The following CTIF variants were observed in gnomAD, a reference collection of about 807,000 sequenced individuals.
The protein encoded by CTIF is cap binding complex dependent translation initiation factor.
A neutral mutation model predicts 66.0 loss-of-function variants in CTIF; 21 were observed. That is an observed-to-expected ratio of 0.32 (90% confidence interval 0.23 to 0.46). The LOEUF is 0.46. CTIF is among the 20% of genes least tolerant of loss of function. The probability of loss-of-function intolerance (pLI) is 1.00; values close to 1 mark genes in which losing one functional copy is unlikely to be tolerated. For synonymous variants in CTIF, 345 were observed against 326.4 expected, an observed-to-expected ratio of 1.06 and a Z score of -0.62; for missense variants, 739 against 812.7, an observed-to-expected ratio of 0.91 and a Z score of 1.10.
chr18:48,603,591 A>G (rs1279927461), intron 1 of CTIF, among the ~76,000 whole-genome samples: 3 of 135,594 alleles, frequency 2.2e-5, no homozygotes, highest in Non-Finnish European at 4.7e-5. Context: ...GGCTGGGTGG[A>G]TAGATGGATG....
At chr18:48,752,496 T>A (rs1401351152) in intron 7 of CTIF, among the ~76,000 whole-genome samples, 1 of 150,944 alleles carries the variant, frequency 6.6e-6, no homozygotes, top group African/African-American at 2.4e-5. Flanking sequence ...AACACAAATC[T>A]GAGTTCCAGT....
At chr18:48,550,695 A>C (rs2088861485) in intron 1 of CTIF, among the ~76,000 whole-genome samples, 2 of 151,934 alleles carry the variant, frequency 1.3e-5, no homozygotes, top group African/African-American at 4.8e-5. Flanking sequence ...CCTCCTCATC[A>C]TTCCTTGGAT....
chr18:48,690,233 C>T (rs371967532), intron 6 of CTIF, among the ~76,000 whole-genome samples: 2 of 152,148 alleles, frequency 1.3e-5, no homozygotes, highest in African/African-American at 2.4e-5. Flanking sequence ...TACAGACTCT[C>T]CTTCCATCCA....
chr18:48,744,006 C>T (rs926326966), intron 7 of CTIF, among the ~76,000 whole-genome samples: 3 of 152,138 alleles, frequency 2.0e-5, no homozygotes, highest in Non-Finnish European at 2.9e-5. Flanking sequence ...AGAGGAGGGG[C>T]GTACTTTGAG....
chr18:48,717,880 C>T (rs1418331443), intron 7 of CTIF, among the ~76,000 whole-genome samples: 3 of 152,120 alleles, frequency 2.0e-5, no homozygotes, highest in African/African-American at 4.8e-5. Flanking sequence ...TAGGCACCCG[C>T]CACCACACCT....
Position 48,758,001 on chromosome 18 carries a change from C to T in CTIF, c.667C>T (p.His223Tyr), listed in dbSNP as rs778949862. ...AGGCAGTGCCAAACACAACAGGGAC[C>T]ACCAGAAATCCTACCAGGGGGGCTC... is the stretch of plus-strand genomic sequence containing the variant. ...QPGSAKHNRDHQKSYQGGSAP... is the reference protein window; with the variant it reads ...QPGSAKHNRDYQKSYQGGSAP... Residue 223 changes from histidine (H) to tyrosine (Y), a missense_variant, in exon 8 of 12, where the codon CAC becomes TAC. Transcript: ENST00000256413. 4.3e-6 allele frequency: 7 copies of T among 1,613,930 alleles called. No individual in the cohort carries two copies. The highest frequency in any genetic ancestry group is 5.1e-6 in the Non-Finnish European group (6 of 1,180,012).
At chr18:48,802,955 G>GGCCACA (rs2146233431) in intron 9 of CTIF, among the ~76,000 whole-genome samples, 1 of 152,344 alleles carries the variant, frequency 6.6e-6, no homozygotes, top group East Asian at 1.9e-4. Flanking sequence ...GGCTTTTCAA[G>GGCCACA]GCCACAGCCA....
intron 6 of CTIF, among the ~76,000 whole-genome samples, chr18:48,696,663 C>G (rs2092013596): frequency 6.6e-6 from 1 of 152,164 alleles, no homozygotes; most frequent in African/African-American, 2.4e-5. Context: ...TCTGTCATCT[C>G]CTTTGGTTTT....
In CTIF at chr18:48,730,609, T is replaced by C. The variant is rs1258791493; in HGVS notation, c.584+18914T>C. Among the ~76,000 whole-genome samples, 273 of 76,968 alleles carry C rather than the reference T, an allele frequency of 3.5e-3. 68 individuals are homozygous for C. The highest frequency in any genetic ancestry group is 4.8e-3 in the Non-Finnish European group (170 of 35,524). 50.5% of individuals were successfully genotyped at this position (76,968 alleles called of 152,430 possible). On this transcript the variant is annotated intron_variant, in intron 7 of 11. Coordinates refer to ENST00000256413, the MANE Select transcript of CTIF (RefSeq NM_014772.3). ...CCTGTGGTGTGAGGGGCTTCTGCTG[T>C]GTGAGGGGCTCCTGCGGTGTGAGGG...
At chr18:48,591,589 C>T (rs752584562) in intron 1 of CTIF, among the ~76,000 whole-genome samples, 4 of 152,226 alleles carry the variant, frequency 2.6e-5, no homozygotes, top group Non-Finnish European at 4.4e-5. Context: ...CCAGTAGCCA[C>T]TCACATAGCT....
intron 1 of CTIF, among the ~76,000 whole-genome samples, chr18:48,552,167 T>G (rs201091523): frequency 6.6e-6 from 1 of 152,256 alleles, no homozygotes; most frequent in East Asian, 1.9e-4. Context: ...ACTTTGCATG[T>G]GCTGTCTTCA....
chr18:48,815,193 T>G (rs2068337029), intron 9 of CTIF, among the ~76,000 whole-genome samples: 1 of 152,216 alleles, frequency 6.6e-6, no homozygotes, highest in African/African-American at 2.4e-5. Context: ...CCTATATGTA[T>G]CCCATTGCAT....
At chr18:48,631,292 T>C (rs1380146048) in intron 2 of CTIF, among the ~76,000 whole-genome samples, 1 of 152,190 alleles carries the variant, frequency 6.6e-6, no homozygotes, top group Non-Finnish European at 1.5e-5. Context: ...GGTGAAACCC[T>C]GTCTCTACTA....
At chr18:48,854,041 G>T (rs537867192) in intron 10 of CTIF, among the ~76,000 whole-genome samples, 6 of 152,292 alleles carry the variant, frequency 3.9e-5, no homozygotes, top group Admixed American at 2.6e-4. Context: ...ATGCAAAAAA[G>T]AAATGCATAA....
intron 2 of CTIF, among the ~76,000 whole-genome samples, chr18:48,634,934 T>A (rs1044576680): frequency 6.6e-6 from 1 of 152,260 alleles, no homozygotes; most frequent in Non-Finnish European, 1.5e-5. Context: ...TCATATTGAT[T>A]ACCTGTTGAA....
intron 7 of CTIF, among the ~76,000 whole-genome samples, chr18:48,737,470 G>T (rs1487880093): frequency 6.6e-6 from 1 of 152,238 alleles, no homozygotes; most frequent in Non-Finnish European, 1.5e-5. Context: ...CCCTTACCCA[G>T]AGTGGTAGGC....
At chr18:48,762,942 C>A (rs1308303450) in intron 9 of CTIF, among the ~76,000 whole-genome samples, 1 of 152,232 alleles carries the variant, frequency 6.6e-6, no homozygotes. Flanking sequence ...CCCTCCCTGG[C>A]CAGCCTGGGC....
intron 6 of CTIF, among the ~76,000 whole-genome samples, chr18:48,710,833 G>C (rs543912884): frequency 6.6e-6 from 1 of 152,140 alleles, no homozygotes; most frequent in African/African-American, 2.4e-5. Flanking sequence ...CAAGCCAGGC[G>C]TGGTGATGTG....
intron 9 of CTIF, among the ~76,000 whole-genome samples, chr18:48,774,093 C>T (rs576372365): frequency 2.1e-4 from 32 of 152,256 alleles, no homozygotes; most frequent in Admixed American, 6.5e-4. Context: ...GAGTGCACGG[C>T]GCAGTGCATG....
Sources: gnomAD v4.1 joint callset for allele counts (sites outside exome capture counted in the v4.1 genomes callset) on GRCh38, gnomAD v4.1.1 for gene constraint, MANE v1.5 for transcripts, NCBI Gene and HGNC (gene_info 2026-07-23, HGNC 2026-07-21) for gene names.